Variants in SGCZ observed in about 807,000 individuals in gnomAD.
SGCZ encodes the protein sarcoglycan zeta, also known as zeta-sarcoglycan.
SGCZ carries 40 observed loss-of-function variants against 41.3 expected under a neutral mutation model. That is an observed-to-expected ratio of 0.97 (90% CI 0.75 to 1.26). SGCZ has a LOEUF of 1.26. Ranked by LOEUF, SGCZ falls within the 50% of genes most tolerant of loss-of-function variation. The pLI is 0.00. For missense variants in SGCZ, 552 were observed against 369.8 expected, an observed-to-expected ratio of 1.49 and a Z score of -4.04; for synonymous variants, 206 against 137.5, an observed-to-expected ratio of 1.50 and a Z score of -3.49.
At chr8:14,247,115 T>C (rs914243853) in intron 3 of SGCZ, among the ~76,000 whole-genome samples, 1 of 152,132 alleles carries the variant, frequency 6.6e-6, no homozygotes, top group Non-Finnish European at 1.5e-5. Context: ...AAGAGAGATA[T>C]TATCTATGTA....
intron 1 of SGCZ, among the ~76,000 whole-genome samples, chr8:14,840,158 A>G (rs2130624352): frequency 6.6e-6 from 1 of 152,276 alleles, no homozygotes; most frequent in Admixed American, 6.5e-5. Flanking sequence ...GAATGTAATT[A>G]TCTGCTTAAA....
intron 1 of SGCZ, among the ~76,000 whole-genome samples, chr8:15,233,117 T>A (rs1235574558): frequency 6.6e-6 from 1 of 151,848 alleles, no homozygotes; most frequent in Non-Finnish European, 1.5e-5. Context: ...AGTCAAATAA[T>A]TCAGTATTCA....
intron 1 of SGCZ, among the ~76,000 whole-genome samples, chr8:14,709,109 C>CT (rs1563216984): frequency 6.6e-6 from 1 of 152,056 alleles, no homozygotes; most frequent in Non-Finnish European, 1.5e-5. Flanking sequence ...TCCCTTTCTC[C>CT]TTTTTTGTGC....
chr8:14,471,217 T>A (rs1040759734), intron 2 of SGCZ, among the ~76,000 whole-genome samples: 1 of 152,174 alleles, frequency 6.6e-6, no homozygotes, highest in African/African-American at 2.4e-5. Context: ...TGGTTCAGAA[T>A]ATAGACAATC....
chr8:15,218,742 C>T (rs1449809642), intron 1 of SGCZ, among the ~76,000 whole-genome samples: 8 of 152,112 alleles, frequency 5.3e-5, no homozygotes, highest in East Asian at 3.9e-4. Context: ...TAATAATTGA[C>T]GCATGGATGG....
At chr8:14,643,181 G>T (rs139344636) in intron 1 of SGCZ, among the ~76,000 whole-genome samples, 5 of 151,576 alleles carry the variant, frequency 3.3e-5, no homozygotes, top group African/African-American at 1.2e-4. Context: ...AAGCAAGAAA[G>T]TATTTCCTGA....
intron 1 of SGCZ, among the ~76,000 whole-genome samples, chr8:14,710,220 A>T (rs1585200045): frequency 6.7e-6 from 1 of 148,588 alleles, no homozygotes; most frequent in East Asian, 2.0e-4. Flanking sequence ...CAAAAAAAAA[A>T]TTAGCAGGGC....
intron 1 of SGCZ, among the ~76,000 whole-genome samples, chr8:14,922,798 G>A (rs370539718): frequency 6.6e-6 from 1 of 152,084 alleles, no homozygotes. Flanking sequence ...TAGAGATGGA[G>A]ACCAAAACAA....
intron 1 of SGCZ, among the ~76,000 whole-genome samples, chr8:15,066,391 A>G (rs1418042916): frequency 5.9e-5 from 9 of 151,276 alleles, no homozygotes; most frequent in Admixed American, 4.6e-4. Flanking sequence ...CAAGGCTCTC[A>G]TTTCCCTTCT....
rs144526862 is a variant in SGCZ at position 14,967,308 on chromosome 8, G to A, written c.39+270277C>T. Among the ~76,000 whole-genome samples, 65 of 152,246 alleles carry A rather than the reference G, an allele frequency of 4.3e-4. No individual in the cohort carries two copies. In the East Asian group the frequency reaches 8.3e-3, roughly 19 times the overall value. ...CCCCAGTTTCAAGTGCAAAGGGATA[G>A]CGCTTCTAACTGGCGCTCCATCTCT... On this transcript the variant is annotated intron_variant, in intron 1 of 7. Coordinates refer to ENST00000382080, the MANE Select transcript of SGCZ (RefSeq NM_139167.4).
intron 1 of SGCZ, among the ~76,000 whole-genome samples, chr8:15,048,434 C>G (rs1218640272): frequency 6.6e-6 from 1 of 151,904 alleles, no homozygotes. Context: ...GGTGACTATA[C>G]TTAATAATAA....
intron 3 of SGCZ, among the ~76,000 whole-genome samples, chr8:14,263,230 GA>G (rs1443410808): frequency 6.6e-6 from 1 of 152,080 alleles, no homozygotes; most frequent in Non-Finnish European, 1.5e-5. Context: ...AATGAAGCAG[GA>G]CACAGTAATA....
chr8:15,084,911 C>T (rs572944200), intron 1 of SGCZ, among the ~76,000 whole-genome samples: 1 of 152,274 alleles, frequency 6.6e-6, no homozygotes, highest in East Asian at 1.9e-4. Flanking sequence ...CTTATGAAAC[C>T]ACACCAAATG....
intron 1 of SGCZ, among the ~76,000 whole-genome samples, chr8:15,012,268 G>A (rs1336780959): frequency 6.6e-6 from 1 of 151,634 alleles, no homozygotes; most frequent in East Asian, 1.9e-4. Context: ...TTTGAGATCA[G>A]ACTGGGCAAC....
intron 1 of SGCZ, among the ~76,000 whole-genome samples, chr8:15,150,510 C>T (rs893313138): frequency 1.3e-5 from 2 of 152,178 alleles, no homozygotes; most frequent in Non-Finnish European, 2.9e-5. Flanking sequence ...TTCCCCCTCC[C>T]TACTCACGCA....
intron 7 of SGCZ, among the ~76,000 whole-genome samples, chr8:14,099,492 T>G (rs1164512217): frequency 2.0e-5 from 3 of 152,090 alleles, no homozygotes; most frequent in Non-Finnish European, 4.4e-5. Flanking sequence ...TTTGGGAGGC[T>G]GAGGCGGGAG....
At chr8:14,963,691 C>T (rs1801040184) in intron 1 of SGCZ, among the ~76,000 whole-genome samples, 1 of 152,202 alleles carries the variant, frequency 6.6e-6, no homozygotes, top group East Asian at 1.9e-4. Context: ...TTTTGGAATT[C>T]AAGCTAGCTC....
intron 2 of SGCZ, among the ~76,000 whole-genome samples, chr8:14,527,211 A>T (rs1415818674): frequency 6.6e-6 from 1 of 152,206 alleles, no homozygotes; most frequent in African/African-American, 2.4e-5. Flanking sequence ...AATATGAAAC[A>T]AGCTTCAGTA....
chr8:14,590,104 T>C (rs1585105268), intron 1 of SGCZ, among the ~76,000 whole-genome samples: 1 of 141,404 alleles, frequency 7.1e-6, no homozygotes, highest in African/African-American at 2.6e-5. Flanking sequence ...GATTGTTCTT[T>C]GGTAAAAAAA....
Sources: gnomAD v4.1 joint callset for allele counts (sites outside exome capture counted in the v4.1 genomes callset) on GRCh38, gnomAD v4.1.1 for gene constraint, MANE v1.5 for transcripts, NCBI Gene and HGNC (gene_info 2026-07-23, HGNC 2026-07-21) for gene names.